Variants in CD38 observed in about 807,000 individuals in gnomAD.
CD38 encodes the protein CD38 molecule.
CD38 carries 31 observed loss-of-function variants against 36.3 expected under a neutral mutation model. That is an observed-to-expected ratio of 0.85 (90% CI 0.64 to 1.15). CD38 has a LOEUF of 1.15. Ranked by LOEUF, CD38 falls within the 50% of genes most tolerant of loss-of-function variation. The pLI, the probability that CD38 is intolerant of heterozygous loss-of-function variation, is 0.00. For missense variants in CD38, 380 were observed against 371.9 expected (o/e 1.02, Z -0.18); for synonymous variants, 131 against 135.2 (o/e 0.97, Z 0.22).
At chr4:15,838,726 C>T (rs1160909602) in intron 5 of CD38, among the ~76,000 whole-genome samples, 2 of 152,172 alleles carry the variant, frequency 1.3e-5, no homozygotes, top group Non-Finnish European at 2.9e-5. Context: ...CAGGTACTGG[C>T]GGTCATTACA....
chr4:15,805,052 C>T (rs139298603), intron 1 of CD38, among the ~76,000 whole-genome samples: 136 of 152,118 alleles, frequency 8.9e-4, no homozygotes, highest in African/African-American at 2.9e-3. Context: ...AATTACATGT[C>T]ATTTAAAAGT....
intron 4 of CD38, among the ~76,000 whole-genome samples, chr4:15,837,655 C>T (rs566230535): frequency 6.6e-6 from 1 of 152,266 alleles, no homozygotes; most frequent in African/African-American, 2.4e-5. Context: ...GCCTAAGGGT[C>T]CCCTGTTCTC....
chr4:15,788,253 C>T (rs1441244617), intron 1 of CD38, among the ~76,000 whole-genome samples: 2 of 152,202 alleles, frequency 1.3e-5, no homozygotes, highest in Non-Finnish European at 2.9e-5. Context: ...GAGCCTGGTT[C>T]AGCCTCAGAA....
rs1724325003 is a variant in CD38, at chr4:15,848,894, A to G, written c.*292A>G. 1 of 240,982 alleles carries G rather than the reference A, an allele frequency of 4.1e-6. No individual in the cohort carries two copies. Among genetic ancestry groups the G allele is most frequent in the Admixed American group, 5.2e-5 (1 of 19,200 alleles). 14.9% of individuals were successfully genotyped at this position (240,982 alleles called of 1,614,324 possible). On this transcript the variant is annotated 3_prime_UTR_variant, in exon 8 of 8. Coordinates refer to ENST00000226279, the MANE Select transcript of CD38 (RefSeq NM_001775.4). Reference sequence around the variant, plus strand: ...CATGTGATCCTTTTATGTTATTTATATATTGGTAACATCCTTTCTATTGAA... The same window carrying G: ...CATGTGATCCTTTTATGTTATTTATGTATTGGTAACATCCTTTCTATTGAA...
At position 15,836,120 on chromosome 4, in the gene CD38, G is replaced by A. The variant is rs1724065509; in HGVS notation, c.585+1818G>A. 2.0e-5 allele frequency among the ~76,000 whole-genome samples: 3 copies of A among 152,222 alleles called. No individual in the cohort carries two copies. The South Asian group carries it at 6.2e-4, about 32-fold the overall frequency. On this transcript the variant is annotated intron_variant, in intron 4 of 7. Coordinates refer to ENST00000226279, the MANE Select transcript of CD38 (RefSeq NM_001775.4). ...TAAGTGCATATGTCTTAGTCCATTT[G>A]TGCTGCTATCACAAACTACCTGAGA...
In CD38 at chr4:15,850,259, A is replaced by G. The variant is rs958769533; in HGVS notation, c.*1657A>G. 4 of 152,178 alleles carry G rather than the reference A, an allele frequency of 2.6e-5. No individual in the cohort carries two copies. The highest frequency in any genetic ancestry group is 4.4e-5 in the Non-Finnish European group (3 of 68,056). The allele number at this position is 152,178 out of a possible 1,614,324, so 9.4% of individuals were successfully genotyped here. A position where few individuals can be genotyped will look rare whatever the true frequency, so the allele number is the denominator to read the frequency against. ...GGCTGCAGGGAGCTGTGATCACACCACTGCACTCTGGCCTGAGTGACAGAT... is the reference window on the plus strand; with the variant it reads ...GGCTGCAGGGAGCTGTGATCACACCGCTGCACTCTGGCCTGAGTGACAGAT... On this transcript the variant is annotated 3_prime_UTR_variant, in exon 8 of 8. Coordinates refer to ENST00000226279, the MANE Select transcript of CD38 (RefSeq NM_001775.4).
At chr4:15,789,701 T>C (rs989747154) in intron 1 of CD38, among the ~76,000 whole-genome samples, 19 of 152,090 alleles carry the variant, frequency 1.2e-4, no homozygotes, top group African/African-American at 4.3e-4. Flanking sequence ...AATGGGTTAA[T>C]GGATCAATGG....
intron 1 of CD38, among the ~76,000 whole-genome samples, chr4:15,789,170 C>G (rs1377042574): frequency 6.6e-6 from 1 of 152,150 alleles, no homozygotes; most frequent in Non-Finnish European, 1.5e-5. Flanking sequence ...TGTAAGATAT[C>G]TATTCAATAA....
chr4:15,810,328 T>C (rs1170615225), intron 1 of CD38, among the ~76,000 whole-genome samples: 1 of 152,354 alleles, frequency 6.6e-6, no homozygotes, highest in Non-Finnish European at 1.5e-5. Context: ...ATCTGGTACA[T>C]GTAGGTGCTC....
chr4:15,825,242 A>G (rs1320362891), intron 3 of CD38: 4 of 466,914 alleles, frequency 8.6e-6, no homozygotes, highest in Non-Finnish European at 1.5e-5. Flanking sequence ...CAGGCTGTAC[A>G]AGAAGTAGGG....
chr4:15,825,056 A>G (rs370150487), intron 3 of CD38, 40 bp downstream of exon 3: 1 of 1,564,820 alleles, frequency 6.4e-7, no homozygotes, highest in Admixed American at 1.9e-5. Context: ...AGGGATGTGG[A>G]GGGTGAACAG....
At chr4:15,814,088 C>T (rs1052295841) in intron 1 of CD38, among the ~76,000 whole-genome samples, 5 of 152,212 alleles carry the variant, frequency 3.3e-5, no homozygotes, top group African/African-American at 1.2e-4. Context: ...ATTCCTATTT[C>T]TCCACAGCCT....
In CD38 at chr4:15,798,704, T is replaced by G. The variant is rs1723152331; in HGVS notation, c.234-17807T>G. 2.0e-5 allele frequency among the ~76,000 whole-genome samples: 3 copies of G among 152,234 alleles called. No homozygotes were observed. In the South Asian group the frequency reaches 6.2e-4, roughly 31 times the overall value. ...TATCACTTTATTTTCACAAAATTGG[T>G]GTAAAGTCCTCATTGCTATTCATCC... On this transcript the variant is annotated intron_variant, in intron 1 of 7. Coordinates refer to ENST00000226279, the MANE Select transcript of CD38 (RefSeq NM_001775.4).
chr4:15,782,440 T>C (rs1722719940), intron 1 of CD38, among the ~76,000 whole-genome samples: 1 of 152,244 alleles, frequency 6.6e-6, no homozygotes. Context: ...TTTTATCAAT[T>C]AGCTTTTAAG....
intron 1 of CD38, among the ~76,000 whole-genome samples, chr4:15,798,101 G>T (rs1295360086): frequency 6.6e-6 from 1 of 152,144 alleles, no homozygotes; most frequent in African/African-American, 2.4e-5. Flanking sequence ...TGACTGTGTT[G>T]CCCAGGCTGG....
chr4:15,839,575 C>T (rs776602626), intron 5 of CD38, among the ~76,000 whole-genome samples: 1 of 151,798 alleles, frequency 6.6e-6, no homozygotes, highest in African/African-American at 2.4e-5. Context: ...AGGCACCCAC[C>T]ACCACGCCCA....
At chr4:15,802,504 T>TTATTTTATTA (rs1723249744) in intron 1 of CD38, among the ~76,000 whole-genome samples, 1 of 75,086 alleles carries the variant, frequency 1.3e-5, no homozygotes, top group Non-Finnish European at 2.6e-5. Context: ...TTATTTTATT[T>TTATTTTATTA]TATTTTATTT....
chr4:15,824,697 C>T (rs1723809133), intron 2 of CD38, among the ~76,000 whole-genome samples, 184 bp from the exon 3 acceptor site: 1 of 152,022 alleles, frequency 6.6e-6, no homozygotes, highest in South Asian at 2.1e-4. Flanking sequence ...CACACACACA[C>T]ACACTCTCTC....
chr4:15,785,111 A>C (rs1324458786), intron 1 of CD38, among the ~76,000 whole-genome samples: 1 of 151,896 alleles, frequency 6.6e-6, no homozygotes, highest in Non-Finnish European at 1.5e-5. Flanking sequence ...AGGGGAAGTG[A>C]AACAGGCCTT....
Sources: allele counts gnomAD v4.1 joint callset (sites outside exome capture counted in the v4.1 genomes callset), GRCh38; gene constraint gnomAD v4.1.1; transcripts MANE v1.5; gene names NCBI Gene and HGNC (gene_info 2026-07-23, HGNC 2026-07-21).